Variants in SHANK2 observed in about 807,000 individuals in gnomAD.
The protein encoded by SHANK2 is SH3 and multiple ankyrin repeat domains protein 2.
In SHANK2, 43 loss-of-function variants were observed where a neutral mutation model predicts 133.7. The ratio of observed to expected loss-of-function variants is 0.32; its 90% CI spans 0.25 to 0.41. SHANK2 has a LOEUF of 0.41. Among genes scored for constraint, SHANK2 ranks in the 10% least tolerant of loss-of-function variants. The pLI, the probability that SHANK2 is intolerant of heterozygous loss-of-function variation, is 1.00. For missense variants in SHANK2, 1,994 were observed against 2,235.8 expected, an observed-to-expected ratio of 0.89 and a Z score of 2.18; for synonymous variants, 1,017 against 952.8, an observed-to-expected ratio of 1.07 and a Z score of -1.24.
At chr11:70,548,828 A>AACCAGAGG (rs2059728328) in intron 17 of SHANK2, among the ~76,000 whole-genome samples, 1 of 152,186 alleles carries the variant, frequency 6.6e-6, no homozygotes, top group African/African-American at 2.4e-5. Flanking sequence ...GGTGTTCTCA[A>AACCAGAGG]ACAAGAGGAC....
intron 10 of SHANK2, chr11:70,942,479 G>C (rs1254954731): frequency 2.2e-6 from 1 of 452,116 alleles, no homozygotes. Context: ...TATTCATGAG[G>C]GATCTGCCCC....
chr11:70,913,738 C>G (rs982800318), intron 10 of SHANK2, among the ~76,000 whole-genome samples: 1 of 152,168 alleles, frequency 6.6e-6, no homozygotes, highest in Non-Finnish European at 1.5e-5. Flanking sequence ...CATGCGGAAA[C>G]ATACCCTAAA....
chr11:70,762,907 G>A lies in SHANK2; in HGVS notation c.1777+35536C>T, dbSNP rs940805528. On this transcript the variant is annotated intron_variant, in intron 14 of 25. Transcript: ENST00000601538. ...TCAGAATGGAGGCGGGAGAGATGCT[G>A]TCACTTTTCAAAGTCATGGCTGGTG... Among the ~76,000 whole-genome samples, 8 of 152,356 alleles carry A rather than the reference G, an allele frequency of 5.3e-5. No individual in the cohort carries two copies. In the East Asian group the frequency reaches 9.7e-4, roughly 18 times the overall value.
At chr11:70,629,848 C>T (rs572778847) in intron 17 of SHANK2, among the ~76,000 whole-genome samples, 26 of 152,320 alleles carry the variant, frequency 1.7e-4, no homozygotes, top group Admixed American at 5.2e-4. Flanking sequence ...CCAGCAGATC[C>T]GGCCCCCTGA....
chr11:70,781,580 A>ATATATATATT (rs34035945), intron 14 of SHANK2, among the ~76,000 whole-genome samples: 2 of 126,296 alleles, frequency 1.6e-5, no homozygotes, highest in African/African-American at 5.9e-5. Flanking sequence ...ATATATATAT[A>ATATATATATT]TATTTACTTA....
chr11:70,703,220 C>T (rs1010940407), intron 14 of SHANK2, among the ~76,000 whole-genome samples: 1 of 152,156 alleles, frequency 6.6e-6, no homozygotes, highest in African/African-American at 2.4e-5. Context: ...AGTAACGTTG[C>T]TGTGTCTGGT....
intron 17 of SHANK2, among the ~76,000 whole-genome samples, chr11:70,609,410 G>A (rs1359284872): frequency 6.6e-6 from 1 of 152,168 alleles, no homozygotes; most frequent in Admixed American, 6.5e-5. Flanking sequence ...GTCACAGGAA[G>A]CATTCAGAGG....
chr11:70,633,116 A>G (rs955820087), intron 17 of SHANK2, among the ~76,000 whole-genome samples: 3 of 151,622 alleles, frequency 2.0e-5, no homozygotes, highest in Admixed American at 1.3e-4. Context: ...AGACACGTTG[A>G]ATATATAAAT....
chr11:70,755,555 G>A (rs193101988), intron 14 of SHANK2, among the ~76,000 whole-genome samples: 23 of 152,312 alleles, frequency 1.5e-4, no homozygotes, highest in African/African-American at 5.3e-4. Flanking sequence ...CCCCAGCCCC[G>A]GCCCCGGCCT....
chr11:71,143,108 G>T (rs1411323138), intron 3 of SHANK2, among the ~76,000 whole-genome samples: 1 of 152,132 alleles, frequency 6.6e-6, no homozygotes, highest in Non-Finnish European at 1.5e-5. Flanking sequence ...GGCGGCAGGC[G>T]CCTGAAATCC....
chr11:71,075,562 C>T (rs1306522125), intron 8 of SHANK2, among the ~76,000 whole-genome samples: 1 of 152,190 alleles, frequency 6.6e-6, no homozygotes, highest in Non-Finnish European at 1.5e-5. Flanking sequence ...AAAGTCCCTT[C>T]CATCCTGATC....
chr11:71,135,361 G>A (rs1952416577), intron 3 of SHANK2, among the ~76,000 whole-genome samples: 1 of 152,162 alleles, frequency 6.6e-6, no homozygotes, highest in Admixed American at 6.5e-5. Flanking sequence ...GCGCTTAGCT[G>A]TGAAATCCCC....
intron 14 of SHANK2, among the ~76,000 whole-genome samples, chr11:70,719,605 G>A (rs1465728454): frequency 6.6e-6 from 1 of 152,062 alleles, no homozygotes; most frequent in Admixed American, 6.6e-5. Flanking sequence ...TGTGATCTAT[G>A]GGCAAATCGG....
At chr11:71,112,496 C>T (rs983857625) in intron 5 of SHANK2, among the ~76,000 whole-genome samples, 19 of 152,108 alleles carry the variant, frequency 1.2e-4, no homozygotes, top group African/African-American at 4.6e-4. Flanking sequence ...TTGGTGAGCT[C>T]GCAGCTGCAG....
At chr11:70,943,466 A>G (rs1367567775) in intron 10 of SHANK2, among the ~76,000 whole-genome samples, 1 of 152,192 alleles carries the variant, frequency 6.6e-6, no homozygotes, top group Non-Finnish European at 1.5e-5. Context: ...GGCCAAACCC[A>G]GGAGGAACCA....
At chr11:70,757,288 G>A (rs782604484) in intron 14 of SHANK2, among the ~76,000 whole-genome samples, 2 of 152,162 alleles carry the variant, frequency 1.3e-5, no homozygotes, top group African/African-American at 2.4e-5. Context: ...CTCTAGCCTC[G>A]GTTTCCTTAT....
intron 15 of SHANK2, among the ~76,000 whole-genome samples, chr11:70,681,134 C>T (rs537325898): frequency 3.9e-5 from 6 of 152,262 alleles, no homozygotes; most frequent in South Asian, 4.1e-4. Context: ...TTGGGGCTGC[C>T]GGCACCTGCT....
chr11:70,950,699 T>C (rs1257841248), intron 10 of SHANK2, among the ~76,000 whole-genome samples: 1 of 151,116 alleles, frequency 6.6e-6, no homozygotes, highest in Non-Finnish European at 1.5e-5. Context: ...CCTTTGCCTC[T>C]CAGGTTCAAG....
chr11:70,786,320 G>C (rs1555046463), intron 14 of SHANK2, among the ~76,000 whole-genome samples: 1 of 152,084 alleles, frequency 6.6e-6, no homozygotes, highest in African/African-American at 2.4e-5. Flanking sequence ...GAAGCAGATG[G>C]GCAGGGGCTG....
Sources: gnomAD v4.1 joint callset for allele counts (sites outside exome capture counted in the v4.1 genomes callset) on GRCh38, gnomAD v4.1.1 for gene constraint, MANE v1.5 for transcripts, NCBI Gene and HGNC (gene_info 2026-07-23, HGNC 2026-07-21) for gene names.